GPC1: variants seen among roughly 807,000 people sequenced by gnomAD.
GPC1 encodes glypican-1.
In GPC1, 26 loss-of-function variants were observed where a neutral mutation model predicts 51.5. That is an observed-to-expected ratio of 0.50 (90% confidence interval 0.37 to 0.70). The LOEUF is 0.70. Among genes scored for constraint, GPC1 ranks in the 30% least tolerant of loss-of-function variants. GPC1 has a pLI of 0.00. For missense variants in GPC1, 775 were observed against 800.5 expected, an observed-to-expected ratio of 0.97 and a Z score of 0.38; for synonymous variants, 380 against 348.3, an observed-to-expected ratio of 1.09 and a Z score of -1.01.
intron 3 of GPC1, among the ~76,000 whole-genome samples, chr2:240,463,102 G>A (rs2074230562): frequency 6.6e-6 from 1 of 151,172 alleles, no homozygotes; most frequent in African/African-American, 2.4e-5. Context: ...TCATGCCTTG[G>A]TTTCCTCAGC....
At chr2:240,457,073 C>T (rs891543400) in intron 1 of GPC1, among the ~76,000 whole-genome samples, 5 of 152,156 alleles carry the variant, frequency 3.3e-5, no homozygotes, top group Non-Finnish European at 7.4e-5. Flanking sequence ...TTGCCATTCC[C>T]GCTCTGTCTG....
rs867197835 is a variant in GPC1, at chr2:240,456,209, G to A, written c.167-2821G>A. On this transcript the variant is annotated intron_variant, in intron 1 of 8. Coordinates refer to ENST00000264039, the MANE Select transcript of GPC1 (RefSeq NM_002081.3). ...TGAGGGGGTGTGAGAGGTGGCTGAC[G>A]GCGCCGAGGAGCCCCTCAGAACCTG... is the stretch of plus-strand genomic sequence containing the variant. 4.5e-4 allele frequency: 110 copies of A among 243,830 alleles called. 1 individual carries two copies. Among genetic ancestry groups the A allele is most frequent in the South Asian group, 1.8e-3 (52 of 29,542 alleles). 15.1% of individuals were successfully genotyped at this position (243,830 alleles called of 1,614,324 possible).
chr2:240,459,971 A>G (rs1244026019), intron 2 of GPC1, among the ~76,000 whole-genome samples: 1 of 152,126 alleles, frequency 6.6e-6, no homozygotes, highest in East Asian at 1.9e-4. Context: ...GCCTGGGCAG[A>G]CAGGAGGGAG....
chr2:240,440,597 C>T (rs113431315), intron 1 of GPC1, among the ~76,000 whole-genome samples: 57 of 106,268 alleles, frequency 5.4e-4, no homozygotes, highest in African/African-American at 5.7e-4. Context: ...GCCTCCGGTC[C>T]TGCCCAGCTC....
chr2:240,456,271 G>A (rs529853635), intron 1 of GPC1, among the ~76,000 whole-genome samples: 4 of 152,196 alleles, frequency 2.6e-5, no homozygotes, highest in Admixed American at 6.5e-5. Context: ...CGGGTGTTTC[G>A]GGCCTCACCT....
chr2:240,457,824 C>G (rs1024045469), intron 1 of GPC1: 3 of 330,448 alleles, frequency 9.1e-6, no homozygotes, highest in African/African-American at 6.5e-5. Context: ...ATTCCAGCCA[C>G]CCTGGCCCAG....
chr2:240,463,887 G>A (rs1434911478), intron 4 of GPC1: 4 of 284,920 alleles, frequency 1.4e-5, no homozygotes, highest in African/African-American at 2.2e-5. Context: ...GCGAACTGGC[G>A]TGCTCACTTG....
At chr2:240,453,953 G>C (rs2074131310) in intron 1 of GPC1, among the ~76,000 whole-genome samples, 1 of 152,196 alleles carries the variant, frequency 6.6e-6, no homozygotes, top group East Asian at 1.9e-4. Context: ...TCCCACCCGG[G>C]GCAGAGGTGT....
chr2:240,450,708 C>T (rs1221537476), intron 1 of GPC1: 2 of 468,432 alleles, frequency 4.3e-6, no homozygotes, highest in African/African-American at 2.0e-5. Context: ...GTGGGCCATG[C>T]TGGCAGTGGG....
Position 240,462,174 on chromosome 2 carries a change from C to G in GPC1, c.326-17C>G. ...GGGGGAAACATGGTCCCGATCACGC[C>G]CCCTCCCTGTGCGCAGACCACTTCC... On this transcript the variant is annotated splice_polypyrimidine_tract_variant and intron_variant, in intron 2 of 8. Coordinates refer to ENST00000264039, the MANE Select transcript of GPC1 (RefSeq NM_002081.3). 2 of 1,559,984 alleles carry G rather than the reference C, an allele frequency of 1.3e-6. No homozygotes were observed. Among genetic ancestry groups the G allele is most frequent in the Non-Finnish European group, 1.7e-6 (2 of 1,149,192 alleles).
At chr2:240,465,913 G>C (rs2074257347) in intron 8 of GPC1, 145 bp from the exon 9 acceptor site, 2 of 626,494 alleles carry the variant, frequency 3.2e-6, no homozygotes, top group Non-Finnish European at 2.8e-6. Flanking sequence ...CCCAGCCTCA[G>C]GGGTCAGCGG....
intron 3 of GPC1, 79 bp downstream of exon 3, chr2:240,462,661 C>A: frequency 7.5e-7 from 1 of 1,341,528 alleles, no homozygotes; most frequent in Non-Finnish European, 1.0e-6. Flanking sequence ...CTTCCCCCTA[C>A]TTTAACCCTG....
In GPC1 at chr2:240,439,625, G is replaced by A. The variant is rs533190155; in HGVS notation, c.166+3541G>A. On this transcript the variant is annotated intron_variant, in intron 1 of 8. Coordinates refer to ENST00000264039, the MANE Select transcript of GPC1 (RefSeq NM_002081.3). The stretch of plus-strand genomic sequence containing the variant: ...CAGACTCTGGGGAACCATCCTCAGA[G>A]GGCCTGGACCTCTCCTTCCCACATC... Among the ~76,000 whole-genome samples, 8 of 152,312 alleles carry A rather than the reference G, an allele frequency of 5.3e-5. No homozygotes were observed. In the East Asian group the frequency reaches 1.5e-3, roughly 29 times the overall value.
At chr2:240,456,267 T>C (rs764170591) in intron 1 of GPC1, among the ~76,000 whole-genome samples, 13 of 152,044 alleles carry the variant, frequency 8.6e-5, no homozygotes, top group Non-Finnish European at 1.8e-4. Flanking sequence ...CTTACGGGTG[T>C]TTCGGGCCTC....
At chr2:240,443,355 T>C (rs1236955416) in intron 1 of GPC1, among the ~76,000 whole-genome samples, 1 of 152,116 alleles carries the variant, frequency 6.6e-6, no homozygotes, top group Non-Finnish European at 1.5e-5. Context: ...GATGTAGAGA[T>C]GAGGGAGGCC....
Position 240,462,292 on chromosome 2 carries a change from G to A in GPC1, c.427G>A (p.Asp143Asn). 1 of 1,609,120 alleles carries A rather than the reference G, an allele frequency of 6.2e-7. No individual in the cohort carries two copies. The highest frequency in any genetic ancestry group is 8.5e-7 in the Non-Finnish European group (1 of 1,178,412). The change falls in exon 3 of 9, where the codon GAC becomes AAC. Residue 143 changes from aspartate (D) to asparagine (N), a missense_variant. Asp to Asn is a conservative substitution (Grantham distance 23, BLOSUM62 1). Transcript: ENST00000264039. ...CACGCAGAACGCGAGGGCCTTCCGG[G>A]ACCTGTACTCAGAGCTGCGCCTGTA... is the stretch of plus-strand genomic sequence containing the variant. ...LYTQNARAFR[D>N]LYSELRLYYR...
chr2:240,446,919 G>A (rs2074054182), intron 1 of GPC1, among the ~76,000 whole-genome samples: 2 of 152,198 alleles, frequency 1.3e-5, no homozygotes, highest in Admixed American at 1.3e-4. Context: ...GAGCTGCACG[G>A]CTGGCATCAG....
intron 1 of GPC1, chr2:240,457,497 C>T (rs764993044): frequency 4.3e-6 from 2 of 469,382 alleles, no homozygotes; most frequent in Admixed American, 2.4e-5. Flanking sequence ...GGTCCCCACC[C>T]CAGATGGCCT....
intron 1 of GPC1, among the ~76,000 whole-genome samples, chr2:240,453,669 G>GCGCCCACTGCACCAGTGCCCCCTCCT (rs1189892438): frequency 3.5e-5 from 4 of 113,950 alleles, no homozygotes; most frequent in Non-Finnish European, 5.5e-5. Flanking sequence ...CCTCCCCGCC[G>GCGCCCACTGCACCAGTGCCCCCTCCT]CGCCCACTGC....
Sources: gnomAD v4.1 joint callset for allele counts (sites outside exome capture counted in the v4.1 genomes callset) on GRCh38, gnomAD v4.1.1 for gene constraint, MANE v1.5 for transcripts, NCBI Gene and HGNC (gene_info 2026-07-23, HGNC 2026-07-21) for gene names.